The following ANO3 variants were observed in gnomAD, a reference collection of about 807,000 sequenced individuals.
ANO3 encodes anoctamin-3.
Under a neutral mutation model 144.8 loss-of-function variants are expected in ANO3, and 99 were observed. The observed-to-expected ratio is 0.68, with a 90% CI of 0.58 to 0.81. ANO3 has a LOEUF of 0.81. ANO3 is among the 30% of genes least tolerant of loss of function. The pLI is 0.00. For synonymous variants in ANO3, 414 were observed against 392.6 expected (o/e 1.05, Z -0.64); for missense variants, 905 against 1,202.2 (o/e 0.75, Z 3.66).
intron 1 of ANO3, among the ~76,000 whole-genome samples, chr11:26,370,935 T>C (rs1049964373): frequency 1.3e-5 from 2 of 152,072 alleles, no homozygotes; most frequent in African/African-American, 4.8e-5. Flanking sequence ...AATGATGCAA[T>C]AGAAAAGAAA....
intron 1 of ANO3, among the ~76,000 whole-genome samples, chr11:26,191,297 T>C (rs1033093971): frequency 8.7e-5 from 13 of 150,248 alleles, no homozygotes; most frequent in African/African-American, 1.2e-4. Context: ...AAAAAACACA[T>C]ATATATATAC....
rs71480119 is a variant in ANO3, at chr11:26,317,149, G to C, written c.-3+7430G>C. Among the ~76,000 whole-genome samples the C allele has an allele frequency of 4.9e-3, 742 of 152,150 alleles. 6 individuals are homozygous for C. Among genetic ancestry groups the C allele is most frequent in the Non-Finnish European group, 8.7e-3 (589 of 68,000 alleles). The stretch of plus-strand genomic sequence containing the variant: ...ACACTGTCGTAGCTAGTCTCAGTGT[G>C]AAATAACATGGATGCAGAGGGACAG... On this transcript the variant is annotated intron_variant, in intron 1 of 26. Transcript: ENST00000525139.
chr11:26,268,774 AT>A (rs1181017372), intron 1 of ANO3, among the ~76,000 whole-genome samples: 1 of 152,182 alleles, frequency 6.6e-6, no homozygotes, highest in Non-Finnish European at 1.5e-5. Context: ...AGCCTAAATG[AT>A]TTCACTGACA....
At chr11:26,365,156 A>C (rs547360787) in intron 1 of ANO3, among the ~76,000 whole-genome samples, 1 of 152,340 alleles carries the variant, frequency 6.6e-6, no homozygotes, top group South Asian at 2.1e-4. Flanking sequence ...TTAAATCTTA[A>C]AGCTCCAAAA....
At chr11:26,487,407 G>A (rs2134099274) in intron 4 of ANO3, among the ~76,000 whole-genome samples, 1 of 152,204 alleles carries the variant, frequency 6.6e-6, no homozygotes, top group East Asian at 1.9e-4. Context: ...ACCTCTTTTT[G>A]TTCCCAGTTT....
chr11:26,647,576 T>C (rs1260103151), intron 23 of ANO3, 133 bp from the exon 24 acceptor site: 13 of 711,542 alleles, frequency 1.8e-5, no homozygotes, highest in South Asian at 4.6e-5. Flanking sequence ...ATTGAGATAG[T>C]ATAATAAGAA....
intron 21 of ANO3, among the ~76,000 whole-genome samples, chr11:26,641,146 C>T (rs1246947822): frequency 1.3e-5 from 2 of 152,152 alleles, no homozygotes; most frequent in Non-Finnish European, 2.9e-5. Context: ...TCACATAATT[C>T]CAAGATTGTA....
intron 17 of ANO3, among the ~76,000 whole-genome samples, chr11:26,606,061 C>T (rs1851927327): frequency 6.6e-6 from 1 of 152,144 alleles, no homozygotes; most frequent in African/African-American, 2.4e-5. Context: ...CCCACTTTCT[C>T]TTGTGGGCAT....
intron 1 of ANO3, among the ~76,000 whole-genome samples, chr11:26,368,757 A>T (rs1007706191): frequency 6.6e-6 from 1 of 152,090 alleles, no homozygotes; most frequent in African/African-American, 2.4e-5. Flanking sequence ...GAAATACATC[A>T]ATCGCTAAAA....
intron 1 of ANO3, among the ~76,000 whole-genome samples, chr11:26,432,949 G>T (rs1157410500): frequency 2.0e-5 from 3 of 152,126 alleles, no homozygotes; most frequent in African/African-American, 7.2e-5. Flanking sequence ...AATATCATTG[G>T]TAGTTTGATA....
intron 10 of ANO3, among the ~76,000 whole-genome samples, chr11:26,537,916 A>G (rs1166623736): frequency 6.6e-6 from 1 of 152,202 alleles, no homozygotes; most frequent in Non-Finnish European, 1.5e-5. Flanking sequence ...TGCCTGCTCT[A>G]AGCTGCAGTG....
At chr11:26,207,384 C>T (rs899177424) in intron 1 of ANO3, among the ~76,000 whole-genome samples, 9 of 152,080 alleles carry the variant, frequency 5.9e-5, no homozygotes, top group African/African-American at 1.4e-4. Context: ...TCTGTACTTA[C>T]GGTCCAATTG....
At chr11:26,599,132 A>G (rs1413673555) in intron 16 of ANO3, 134 bp downstream of exon 16, 12 of 927,842 alleles carry the variant, frequency 1.3e-5, no homozygotes, top group African/African-American at 1.7e-5. Context: ...AACACGTACA[A>G]TTAAACAAAC....
At chr11:26,353,907 A>G (rs1855713045) in intron 1 of ANO3, among the ~76,000 whole-genome samples, 1 of 152,142 alleles carries the variant, frequency 6.6e-6, no homozygotes, top group Non-Finnish European at 1.5e-5. Flanking sequence ...CAATTTTAAC[A>G]AGTTGAAGAA....
intron 1 of ANO3, among the ~76,000 whole-genome samples, chr11:26,301,846 A>T (rs7939368): frequency 0.02 from 3,094 of 152,328 alleles, 92 homozygotes; most frequent in African/African-American, 0.067. Context: ...ATCTCAAAAG[A>T]CAAGGAGGCT....
chr11:26,419,177 G>A (rs2133995535), intron 1 of ANO3, among the ~76,000 whole-genome samples: 2 of 152,126 alleles, frequency 1.3e-5, no homozygotes, highest in South Asian at 4.1e-4. Flanking sequence ...AGAAAGGGGA[G>A]GTGCTACACA....
At chr11:26,658,411 C>T (rs1230779886) in intron 26 of ANO3, among the ~76,000 whole-genome samples, 2 of 95,284 alleles carry the variant, frequency 2.1e-5, no homozygotes, top group Admixed American at 9.7e-5. Flanking sequence ...GTCAGGAGTT[C>T]AAGAGCAAAG....
chr11:26,238,815 A>ACTT, intron 1 of ANO3, among the ~76,000 whole-genome samples: 2 of 152,140 alleles, frequency 1.3e-5, no homozygotes, highest in African/African-American at 4.8e-5. Context: ...GTTGCCTAAT[A>ACTT]ATTCATTATA....
intron 14 of ANO3, among the ~76,000 whole-genome samples, chr11:26,585,852 G>A (rs1851260011): frequency 6.6e-6 from 1 of 152,108 alleles, no homozygotes; most frequent in Non-Finnish European, 1.5e-5. Flanking sequence ...AACATTTCAT[G>A]TACACCTCGT....
Sources: allele counts gnomAD v4.1 joint callset (sites outside exome capture counted in the v4.1 genomes callset), GRCh38; gene constraint gnomAD v4.1.1; transcripts MANE v1.5; gene names NCBI Gene and HGNC (gene_info 2026-07-23, HGNC 2026-07-21).